The following PCDHGB7 variants were observed in gnomAD, a reference collection of about 807,000 sequenced individuals.
PCDHGB7 encodes protocadherin gamma subfamily B, 7.
In PCDHGB7, 37 loss-of-function variants were observed where a neutral mutation model predicts 61.4. The observed-to-expected ratio is 0.60, with a 90% CI of 0.46 to 0.79. The LOEUF is 0.79. Among genes scored for constraint, PCDHGB7 ranks in the 30% least tolerant of loss-of-function variants. The pLI is 0.00. For synonymous variants in PCDHGB7, 464 were observed against 503.5 expected, an observed-to-expected ratio of 0.92 and a Z score of 1.05; for missense variants, 1,166 against 1,202.5, an observed-to-expected ratio of 0.97 and a Z score of 0.45.
intron 1 of PCDHGB7, among the ~76,000 whole-genome samples, chr5:141,449,714 A>G (rs1188830159): frequency 2.6e-5 from 4 of 151,334 alleles, no homozygotes; most frequent in African/African-American, 7.3e-5. Flanking sequence ...CATTATTTTT[A>G]TATGATATGA....
rs367905789 is a variant in PCDHGB7 at position 141,487,335 on chromosome 5, G to A, written c.2416-7472G>A. 11 of 1,614,064 alleles carry A rather than the reference G, an allele frequency of 6.8e-6. No individual in the cohort carries two copies. The highest frequency in any genetic ancestry group is 8.5e-6 in the Non-Finnish European group (10 of 1,180,044). Reference sequence around the variant, plus strand: ...TCTAAGTGTCTTCGTGGGGCAGCCTGTGGAGTCACATGCTTTCCTGCTGGC... The same window carrying A: ...TCTAAGTGTCTTCGTGGGGCAGCCTATGGAGTCACATGCTTTCCTGCTGGC... On this transcript the variant is annotated intron_variant, in intron 1 of 3. Transcript: ENST00000398594. This position sits in a 1 kb window ranked among gnomAD's most constrained non-coding sequence, Gnocchi z 5.0.
Position 141,476,191 on chromosome 5 carries a change from C to T in PCDHGB7, c.2416-18616C>T. The T allele has an allele frequency of 6.2e-7, 1 of 1,613,860 alleles. No homozygotes were observed. The highest frequency in any genetic ancestry group is 8.5e-7 in the Non-Finnish European group (1 of 1,180,006). ...TGGGAGTTTTGCTTCTGCTTGGTGC[C>T]TTGAACAAGGCTTCCACGGTCATTC... On this transcript the variant is annotated intron_variant, in intron 1 of 3. Transcript: ENST00000398594. This position sits in a 1 kb window ranked among gnomAD's most constrained non-coding sequence, Gnocchi z 7.6.
Position 141,477,439 on chromosome 5 carries a change from A to C in PCDHGB7, c.2416-17368A>C. 1 of 1,614,142 alleles carries C rather than the reference A, an allele frequency of 6.2e-7. No homozygotes were observed. Among genetic ancestry groups the C allele is most frequent in the Non-Finnish European group, 8.5e-7 (1 of 1,180,016 alleles). On this transcript the variant is annotated intron_variant, in intron 1 of 3. Transcript: ENST00000398594. This position sits in a 1 kb window ranked among gnomAD's most constrained non-coding sequence, Gnocchi z 4.9. ...GAACCCCTTCCCTCTCAGCCCTTAC[A>C]ATAGTGCGTGTTCAAGTGTCCGACA... is the stretch of plus-strand genomic sequence containing the variant.
At chr5:141,480,033 C>T (rs370321166) in intron 1 of PCDHGB7, among the ~76,000 whole-genome samples, 1 of 152,106 alleles carries the variant, frequency 6.6e-6, no homozygotes, top group African/African-American at 2.4e-5. Flanking sequence ...AAGCCTCTTC[C>T]TCATATGCAA....
chr5:141,486,730 T>G lies in PCDHGB7; in HGVS notation c.2416-8077T>G, dbSNP rs775081505. On this transcript the variant is annotated intron_variant, in intron 1 of 3. Coordinates refer to ENST00000398594, the MANE Select transcript of PCDHGB7 (RefSeq NM_018927.4). This position sits in a 1 kb window ranked among gnomAD's most constrained non-coding sequence, Gnocchi z 5.0. ...ACCCCCAGACAGGAGCTGTTCATGC[T>G]ACTCGATCCTTTGACTATGAGCAAA... is the stretch of plus-strand genomic sequence containing the variant. 6.2e-7 allele frequency: 1 copy of G among 1,614,238 alleles called. No individual in the cohort carries two copies. The highest frequency in any genetic ancestry group is 8.5e-7 in the Non-Finnish European group (1 of 1,180,042).
chr5:141,422,472 G>T, intron 1 of PCDHGB7: 2 of 1,613,680 alleles, frequency 1.2e-6, no homozygotes, highest in Non-Finnish European at 1.7e-6. Flanking sequence ...ACAGGGAGTT[G>T]GTCCAGAGCT....
rs558609501 is a variant in PCDHGB7, at chr5:141,487,648, G to C, written c.2416-7159G>C. On this transcript the variant is annotated intron_variant, in intron 1 of 3. Coordinates refer to ENST00000398594, the MANE Select transcript of PCDHGB7 (RefSeq NM_018927.4). This position sits in a 1 kb window ranked among gnomAD's most constrained non-coding sequence, Gnocchi z 5.0. ...CTTTGCAGGCTCAACAAATGCTTGA[G>C]GGTTATTCTGATCCAGGCATATGGC... is the stretch of plus-strand genomic sequence containing the variant. 34 of 1,613,904 alleles carry C rather than the reference G, an allele frequency of 2.1e-5. 1 individual carries two copies. The South Asian group carries it at 3.6e-4, about 17-fold the overall frequency.
At chr5:141,427,940 C>T (rs1391166364) in intron 1 of PCDHGB7, 1 of 1,585,904 alleles carries the variant, frequency 6.3e-7, no homozygotes. Context: ...TGGTGGGCGA[C>T]CTCAATGACA....
Position 141,431,518 on chromosome 5 carries a change from G to T in PCDHGB7, c.2415+11244G>T. 6.2e-7 allele frequency: 1 copy of T among 1,614,090 alleles called. No individual in the cohort carries two copies. Among genetic ancestry groups the T allele is most frequent in the Non-Finnish European group, 8.5e-7 (1 of 1,180,038 alleles). ...CCGAGTACCGCGCGAGCGTTCCGGA[G>T]AATCTGGCCTTGGGCACGCAGCTGC... On this transcript the variant is annotated intron_variant, in intron 1 of 3. Coordinates refer to ENST00000398594, the MANE Select transcript of PCDHGB7 (RefSeq NM_018927.4). The surrounding 1 kb of genome is among the most constrained non-coding windows in gnomAD (Gnocchi z 4.8).
intron 1 of PCDHGB7, among the ~76,000 whole-genome samples, chr5:141,467,075 C>A (rs2099136382): frequency 6.9e-6 from 1 of 145,470 alleles, no homozygotes; most frequent in Non-Finnish European, 1.5e-5. Flanking sequence ...TTTTTTTAGA[C>A]CAAGTCTCAC....
At chr5:141,421,504 C>G (rs757410882) in intron 1 of PCDHGB7, 1 of 1,614,062 alleles carries the variant, frequency 6.2e-7, no homozygotes, top group South Asian at 1.1e-5. Flanking sequence ...CAGGATAGAC[C>G]GGGAGGAGCT....
Position 141,476,075 on chromosome 5 carries a change from G to T in PCDHGB7, c.2416-18732G>T. ...TGAAAGTTTCTCAGCGAAATCTCAG[G>T]GACGATCTGGACCCCGCTGAGAGGA... On this transcript the variant is annotated intron_variant, in intron 1 of 3. Coordinates refer to ENST00000398594, the MANE Select transcript of PCDHGB7 (RefSeq NM_018927.4). This position sits in a 1 kb window ranked among gnomAD's most constrained non-coding sequence, Gnocchi z 7.6. The T allele has an allele frequency of 6.6e-7, 1 of 1,526,282 alleles. No homozygotes were observed. The highest frequency in any genetic ancestry group is 1.3e-5 in the South Asian group (1 of 78,462). The allele number at this position is 1,526,282 out of a possible 1,614,324, so 94.5% of individuals were successfully genotyped here.
Position 141,431,697 on chromosome 5 carries a change from G to A in PCDHGB7, c.2415+11423G>A. The A allele has an allele frequency of 6.2e-7, 1 of 1,614,206 alleles. No homozygotes were observed. Among genetic ancestry groups the A allele is most frequent in the South Asian group, 1.1e-5 (1 of 91,084 alleles). On this transcript the variant is annotated intron_variant, in intron 1 of 3. Transcript: ENST00000398594. This position sits in a 1 kb window ranked among gnomAD's most constrained non-coding sequence, Gnocchi z 4.8. Reference sequence around the variant, plus strand: ...GGGGAGTTGGACCACGAGGAGTCAGGATTCTACCAGATGGAAGTGCAAGCA... The same window carrying A: ...GGGGAGTTGGACCACGAGGAGTCAGAATTCTACCAGATGGAAGTGCAAGCA...
chr5:141,500,294 C>T (rs755761935), intron 2 of PCDHGB7, among the ~76,000 whole-genome samples: 3 of 151,732 alleles, frequency 2.0e-5, no homozygotes, highest in Non-Finnish European at 2.9e-5. Flanking sequence ...CTGCAAGCTC[C>T]GCCTCCCAGG....
chr5:141,505,590 A>G, intron 3 of PCDHGB7, 109 bp downstream of exon 3: 1 of 1,571,996 alleles, frequency 6.4e-7, no homozygotes, highest in East Asian at 2.3e-5. Context: ...TAGTTTCTCC[A>G]GATCTTTCGG....
intron 1 of PCDHGB7, chr5:141,430,625 G>T: frequency 1.3e-6 from 1 of 788,104 alleles, no homozygotes; most frequent in Non-Finnish European, 1.9e-6. Context: ...AGCTAGGAAT[G>T]AACCATCCCT....
chr5:141,458,385 C>T (rs1371423838), intron 1 of PCDHGB7, among the ~76,000 whole-genome samples: 15 of 152,104 alleles, frequency 9.9e-5, no homozygotes, highest in East Asian at 1.9e-4. Context: ...AGAAGGAAGA[C>T]GCTCCCCCTT....
At position 141,477,677 on chromosome 5, in the gene PCDHGB7, TC is replaced by T; in HGVS notation, c.2416-17128del. On this transcript the variant is annotated intron_variant, in intron 1 of 3. Transcript: ENST00000398594. This position sits in a 1 kb window ranked among gnomAD's most constrained non-coding sequence, Gnocchi z 4.9. ...AAATCGTGACAATGGCATAGTGTCA[TC>T]CTTAGTGCCCCTAGACTATGAGGAT... 1 of 1,614,174 alleles carries T rather than the reference TC, an allele frequency of 6.2e-7. No homozygotes were observed. The highest frequency in any genetic ancestry group is 8.5e-7 in the Non-Finnish European group (1 of 1,180,038).
chr5:141,438,601 T>C (rs2098005462), intron 1 of PCDHGB7, among the ~76,000 whole-genome samples: 6 of 26,284 alleles, frequency 2.3e-4, no homozygotes, highest in African/African-American at 1.3e-3. Flanking sequence ...CATATATATA[T>C]ATATATATAT....
Sources: allele counts gnomAD v4.1 joint callset (sites outside exome capture counted in the v4.1 genomes callset), GRCh38; gene constraint gnomAD v4.1.1; non-coding constraint Gnocchi (gnomAD v3.1); transcripts MANE v1.5; gene names NCBI Gene and HGNC (gene_info 2026-07-23, HGNC 2026-07-21).